The following HHIP variants were observed in gnomAD, a reference collection of about 807,000 sequenced individuals.
The protein encoded by HHIP is hedgehog interacting protein.
Under a neutral mutation model 74.0 loss-of-function variants are expected in HHIP, and 12 were observed. The ratio of observed to expected loss-of-function variants is 0.16; its 90% CI spans 0.10 to 0.26. The LOEUF is 0.26. Ranked by LOEUF, HHIP falls within the 10% of genes least tolerant of loss-of-function variation. HHIP has a pLI of 1.00. For synonymous variants in HHIP, 309 were observed against 311.6 expected (o/e 0.99, Z 0.09); for missense variants, 788 against 845.0 (o/e 0.93, Z 0.84).
chr4:144,713,402 C>T (rs979518439), intron 8 of HHIP, among the ~76,000 whole-genome samples: 9 of 152,094 alleles, frequency 5.9e-5, no homozygotes, highest in Admixed American at 1.3e-4. Context: ...ACCATAATCA[C>T]ATGGGAGGGT....
intron 4 of HHIP, among the ~76,000 whole-genome samples, chr4:144,696,719 A>G (rs1729828948): frequency 6.6e-6 from 1 of 151,986 alleles, no homozygotes; most frequent in African/African-American, 2.4e-5. Flanking sequence ...CTTACATGGA[A>G]AGTAAAGATA....
chr4:144,656,977 C>A (rs181667384), intron 2 of HHIP, among the ~76,000 whole-genome samples: 2 of 152,032 alleles, frequency 1.3e-5, no homozygotes, highest in East Asian at 3.9e-4. Flanking sequence ...CAGCTGCTTG[C>A]CTCTTTTTCT....
intron 4 of HHIP, among the ~76,000 whole-genome samples, chr4:144,703,218 A>AC (rs1560712410): frequency 6.6e-6 from 1 of 151,878 alleles, no homozygotes; most frequent in Non-Finnish European, 1.5e-5. Context: ...CCATCTCAAA[A>AC]AAAAAAAAGG....
At chr4:144,706,304 G>A (rs1336901780) in intron 4 of HHIP, among the ~76,000 whole-genome samples, 1 of 152,094 alleles carries the variant, frequency 6.6e-6, no homozygotes, top group Non-Finnish European at 1.5e-5. Context: ...TAAGACTCTT[G>A]TACATAGATA....
At chr4:144,655,012 A>T (rs1253949809) in intron 2 of HHIP, 1 of 152,148 alleles carries the variant, frequency 6.6e-6, no homozygotes, top group Non-Finnish European at 1.5e-5. Flanking sequence ...TTTGTTCCCT[A>T]TTGCCCAATG....
chr4:144,700,834 G>A (rs928087986), intron 4 of HHIP, among the ~76,000 whole-genome samples: 1 of 152,134 alleles, frequency 6.6e-6, no homozygotes, highest in Admixed American at 6.6e-5. Flanking sequence ...AAGCCACAAA[G>A]TTTGTGGTAA....
At chr4:144,715,866 T>C (rs1054783385) in intron 10 of HHIP, among the ~76,000 whole-genome samples, 1 of 152,244 alleles carries the variant, frequency 6.6e-6, no homozygotes, top group African/African-American at 2.4e-5. Context: ...ATTTCTTTTT[T>C]CTTTTTTCTT....
chr4:144,713,786 G>A (rs1156333010), intron 8 of HHIP, among the ~76,000 whole-genome samples: 1 of 152,104 alleles, frequency 6.6e-6, no homozygotes, highest in Non-Finnish European at 1.5e-5. Context: ...TCATTAAAGT[G>A]TAGGCTTTTA....
At position 144,711,321 on chromosome 4, in the gene HHIP, TG is replaced by T. The variant is rs542533184; in HGVS notation, c.1302-628del. 7.9e-5 allele frequency among the ~76,000 whole-genome samples: 12 copies of T among 152,196 alleles called. No individual in the cohort carries two copies. In the South Asian group the frequency reaches 1.0e-3, roughly 13 times the overall value. On this transcript the variant is annotated intron_variant, in intron 7 of 12. Transcript: ENST00000296575. ...AGAGATGAGTTGATGGTAACACTGTTGTTTTTTTTATGTTATTTTACCTTAA... is the reference window on the plus strand; with the variant it reads ...AGAGATGAGTTGATGGTAACACTGTTTTTTTTTTATGTTATTTTACCTTAA...
At chr4:144,706,499 T>C (rs1397819010) in intron 4 of HHIP, 32 bp from the exon 5 acceptor site, 3 of 1,549,942 alleles carry the variant, frequency 1.9e-6, no homozygotes, top group Non-Finnish European at 2.6e-6. Context: ...TAATTAACTT[T>C]ACAATTCTTT....
At chr4:144,685,075 TC>T (rs1359888714) in intron 4 of HHIP, among the ~76,000 whole-genome samples, 1 of 152,198 alleles carries the variant, frequency 6.6e-6, no homozygotes, top group Non-Finnish European at 1.5e-5. Flanking sequence ...ACATTCCCCG[TC>T]CATGTGGGCC....
intron 11 of HHIP, among the ~76,000 whole-genome samples, chr4:144,732,023 C>T (rs1413087656): frequency 6.6e-5 from 10 of 152,018 alleles, no homozygotes; most frequent in Non-Finnish European, 1.5e-5. Context: ...AGTACTTGCC[C>T]AAGTAAATGA....
At chr4:144,685,494 A>G (rs1647913500) in intron 4 of HHIP, 1 of 152,238 alleles carries the variant, frequency 6.6e-6, no homozygotes, top group Admixed American at 6.5e-5. Flanking sequence ...AAAAACAAAA[A>G]CATTTGAAAA....
In HHIP at chr4:144,706,688, A is replaced by G. The variant is rs746929444; in HGVS notation, c.983+6A>G. 12 of 1,584,672 alleles carry G rather than the reference A, an allele frequency of 7.6e-6. No homozygotes were observed. Among genetic ancestry groups the G allele is most frequent in the Non-Finnish European group, 1.0e-5 (12 of 1,171,842 alleles). On this transcript the variant is annotated splice_donor_region_variant and intron_variant, in intron 5 of 12. Coordinates refer to ENST00000296575, the MANE Select transcript of HHIP (RefSeq NM_022475.3). ...GTGGAATACACAGTATCCAGGTATCACTAAAAGGCATCGAAGCATAGAAAT... is the reference window on the plus strand; with the variant it reads ...GTGGAATACACAGTATCCAGGTATCGCTAAAAGGCATCGAAGCATAGAAAT...
rs192328302 is a variant in HHIP at position 144,672,836 on chromosome 4, G to A, written c.831+12998G>A. On this transcript the variant is annotated intron_variant, in intron 4 of 12. Transcript: ENST00000296575. ...CCTGCCTCAGCCTCCCAAGTAGCTG[G>A]GATTACAGGCACCTGCCACCATGCC... 1.4e-4 allele frequency among the ~76,000 whole-genome samples: 21 copies of A among 152,174 alleles called. No individual in the cohort carries two copies. The East Asian group carries it at 4.1e-3, about 29-fold the overall frequency.
At chr4:144,700,392 G>A (rs1729942520) in intron 4 of HHIP, among the ~76,000 whole-genome samples, 1 of 152,208 alleles carries the variant, frequency 6.6e-6, no homozygotes, top group African/African-American at 2.4e-5. Flanking sequence ...GTGGTAGGCA[G>A]AATAATGCCC....
At chr4:144,652,023 A>G (rs2126576440) in intron 1 of HHIP, among the ~76,000 whole-genome samples, 1 of 152,198 alleles carries the variant, frequency 6.6e-6, no homozygotes, top group East Asian at 1.9e-4. Context: ...TTCACTTTGG[A>G]TATTATTTTT....
At chr4:144,706,492 T>C in intron 4 of HHIP, 39 bp from the exon 5 acceptor site, 2 of 1,516,850 alleles carry the variant, frequency 1.3e-6, no homozygotes, top group Non-Finnish European at 1.8e-6. Context: ...AAGAACATAA[T>C]TAACTTTACA....
chr4:144,691,625 T>C (rs1729671812), intron 4 of HHIP, among the ~76,000 whole-genome samples: 3 of 152,200 alleles, frequency 2.0e-5, no homozygotes, highest in Admixed American at 6.6e-5. Flanking sequence ...CCTCCATTTA[T>C]ATACTTAAAT....
Sources: gnomAD v4.1 joint callset for allele counts (sites outside exome capture counted in the v4.1 genomes callset) on GRCh38, gnomAD v4.1.1 for gene constraint, MANE v1.5 for transcripts, NCBI Gene and HGNC (gene_info 2026-07-23, HGNC 2026-07-21) for gene names.